Variants in TMCO4 observed in about 807,000 individuals in gnomAD.
The protein encoded by TMCO4 is transmembrane and coiled-coil domains 4.
A neutral mutation model predicts 64.7 loss-of-function variants in TMCO4; 58 were observed. That is an observed-to-expected ratio of 0.90 (90% CI 0.73 to 1.12). The LOEUF (loss-of-function observed/expected upper bound fraction) is 1.12, where lower values mean the gene tolerates loss of function less well. TMCO4 is among the 50% of genes most tolerant of loss of function. The probability of loss-of-function intolerance (pLI) is 0.00; values close to 1 mark genes in which losing one functional copy is unlikely to be tolerated. For missense variants in TMCO4, 780 were observed against 825.9 expected, an observed-to-expected ratio of 0.94 and a Z score of 0.68; for synonymous variants, 325 against 346.1, an observed-to-expected ratio of 0.94 and a Z score of 0.68.
intron 13 of TMCO4, among the ~76,000 whole-genome samples, chr1:19,718,066 C>G (rs1357637497): frequency 2.2e-4 from 33 of 152,110 alleles, no homozygotes; most frequent in Admixed American, 2.2e-3. Context: ...GGCGCAGTGA[C>G]TCATGCCTAT....
Position 19,682,974 on chromosome 1 carries a change from A to C in TMCO4, c.*66T>G. On this transcript the variant is annotated 3_prime_UTR_variant, in exon 16 of 16. Transcript: ENST00000294543. ...TGTACCTCCAGAGCTCCTGGGAGGA[A>C]CCCGAGGGTATAAGAGAGAGCTGCA... 6.6e-7 allele frequency: 1 copy of C among 1,514,360 alleles called. No homozygotes were observed. Among genetic ancestry groups the C allele is most frequent in the South Asian group, 1.3e-5 (1 of 74,956 alleles). 93.8% of individuals were successfully genotyped at this position (1,514,360 alleles called of 1,614,324 possible). A position where few individuals can be genotyped will look rare whatever the true frequency, so the allele number is the denominator to read the frequency against.
At chr1:19,717,943 C>T (rs1292571222) in intron 13 of TMCO4, among the ~76,000 whole-genome samples, 1 of 152,186 alleles carries the variant, frequency 6.6e-6, no homozygotes, top group African/African-American at 2.4e-5. Flanking sequence ...ATGGTTTAGA[C>T]ATACATGAAT....
intron 15 of TMCO4, among the ~76,000 whole-genome samples, chr1:19,685,429 G>A (rs961728348): frequency 5.9e-5 from 9 of 152,208 alleles, no homozygotes; most frequent in African/African-American, 9.6e-5. Context: ...CACCCCCTTC[G>A]TCAGAGTCAT....
At chr1:19,790,237 C>T (rs1026469544) in intron 2 of TMCO4, among the ~76,000 whole-genome samples, 4 of 152,030 alleles carry the variant, frequency 2.6e-5, no homozygotes, top group Non-Finnish European at 5.9e-5. Flanking sequence ...CTAGGCAATA[C>T]CATTCAGCAC....
intron 13 of TMCO4, among the ~76,000 whole-genome samples, chr1:19,703,398 C>G (rs1197701709): frequency 1.3e-5 from 2 of 152,098 alleles, no homozygotes; most frequent in Non-Finnish European, 2.9e-5. Flanking sequence ...CCTGCCTCCC[C>G]CTTGTGGCAC....
At chr1:19,684,600 T>C (rs137939581) in intron 15 of TMCO4, among the ~76,000 whole-genome samples, 66 of 152,262 alleles carry the variant, frequency 4.3e-4, no homozygotes, top group African/African-American at 1.5e-3. Context: ...CCTGGAAAAG[T>C]CCTCAAATTG....
intron 3 of TMCO4, among the ~76,000 whole-genome samples, chr1:19,785,757 A>C (rs1216919483): frequency 6.6e-6 from 1 of 152,220 alleles, no homozygotes; most frequent in African/African-American, 2.4e-5. Context: ...CCCACTCAAC[A>C]CATAGCTAAC....
At chr1:19,706,294 G>A (rs1485063034) in intron 13 of TMCO4, among the ~76,000 whole-genome samples, 2 of 152,058 alleles carry the variant, frequency 1.3e-5, no homozygotes, top group South Asian at 2.1e-4. Flanking sequence ...GAATGCCCCC[G>A]GTTTTCAAGA....
chr1:19,740,478 T>G (rs1557544413), intron 11 of TMCO4, among the ~76,000 whole-genome samples: 1 of 152,176 alleles, frequency 6.6e-6, no homozygotes, highest in Non-Finnish European at 1.5e-5. Context: ...CAGGCCTAGC[T>G]AAGATCCACC....
rs779319006 is a variant in TMCO4 at position 19,739,879 on chromosome 1, T to C, written c.1124A>G (p.His375Arg). Residue 375 changes from histidine (H) to arginine (R), a missense_variant, in exon 12 of 16, where the codon CAT (histidine) becomes CGT (arginine). His to Arg is a conservative substitution (Grantham distance 29). Transcript: ENST00000294543. ...GTGCTTGCCAACCTCTGCTGATCGA[T>C]GGAGACACACCCCCCAGGGGTTGTC... ...VIDNPWGVCL[H>R]RSAEVGKHLA... 4 of 1,613,912 alleles carry C rather than the reference T, an allele frequency of 2.5e-6. No individual in the cohort carries two copies. In the South Asian group the frequency reaches 4.4e-5, roughly 18 times the overall value.
chr1:19,774,824 C>T (rs2043140471), intron 4 of TMCO4, among the ~76,000 whole-genome samples: 1 of 152,144 alleles, frequency 6.6e-6, no homozygotes, highest in Non-Finnish European at 1.5e-5. Flanking sequence ...TACTAGTTTA[C>T]ACTACTCTAG....
chr1:19,686,144 G>A (rs371043628), intron 15 of TMCO4, among the ~76,000 whole-genome samples: 4 of 152,180 alleles, frequency 2.6e-5, no homozygotes, highest in East Asian at 3.8e-4. Context: ...GAGGGGTGGC[G>A]GTTTGCTTAA....
chr1:19,686,164 G>A (rs1165681619), intron 15 of TMCO4, among the ~76,000 whole-genome samples: 2 of 152,198 alleles, frequency 1.3e-5, no homozygotes. Flanking sequence ...ATGACACACA[G>A]CGCATGAACA....
intron 15 of TMCO4, among the ~76,000 whole-genome samples, chr1:19,683,704 G>A (rs2095122605): frequency 6.6e-6 from 1 of 150,916 alleles, no homozygotes; most frequent in South Asian, 2.1e-4. Context: ...GGGCAGGAAG[G>A]AATCTCCTGA....
intron 10 of TMCO4, 192 bp downstream of exon 10, chr1:19,745,340 A>T: frequency 1.2e-6 from 1 of 840,656 alleles, no homozygotes; most frequent in Admixed American, 2.5e-5. Context: ...AGGTGGATAG[A>T]TGGATGGCGA....
chr1:19,774,610 T>C (rs1328802431), intron 4 of TMCO4, among the ~76,000 whole-genome samples: 1 of 152,174 alleles, frequency 6.6e-6, no homozygotes, highest in Non-Finnish European at 1.5e-5. Flanking sequence ...ACAAGTAGCA[T>C]TTTAGATCGG....
chr1:19,723,753 T>C (rs977625795), intron 13 of TMCO4, among the ~76,000 whole-genome samples: 1 of 152,090 alleles, frequency 6.6e-6, no homozygotes, highest in Non-Finnish European at 1.5e-5. Context: ...AGCTCTGAGC[T>C]GGGGCCCTGG....
At chr1:19,719,706 A>T (rs2095372841) in intron 13 of TMCO4, among the ~76,000 whole-genome samples, 2 of 152,008 alleles carry the variant, frequency 1.3e-5, no homozygotes, top group Admixed American at 6.5e-5. Context: ...TTAAAAAAAA[A>T]ATTTTGGCTG....
At chr1:19,791,461 G>C (rs1160533140) in intron 2 of TMCO4, among the ~76,000 whole-genome samples, 1 of 152,174 alleles carries the variant, frequency 6.6e-6, no homozygotes, top group Non-Finnish European at 1.5e-5. Flanking sequence ...TGTCTAACTG[G>C]ACAGGCTGGG....
Sources: allele counts gnomAD v4.1 joint callset (sites outside exome capture counted in the v4.1 genomes callset), GRCh38; gene constraint gnomAD v4.1.1; transcripts MANE v1.5; gene names NCBI Gene and HGNC (gene_info 2026-07-23, HGNC 2026-07-21).